The following ARHGEF26 variants were observed in gnomAD, a reference collection of about 807,000 sequenced individuals.
ARHGEF26 encodes the protein Rho guanine nucleotide exchange factor (GEF) 26.
ARHGEF26 carries 59 observed loss-of-function variants against 89.4 expected under a neutral mutation model. The ratio of observed to expected loss-of-function variants is 0.66; its 90% CI spans 0.54 to 0.82. The LOEUF (loss-of-function observed/expected upper bound fraction) is 0.82, where lower values mean the gene tolerates loss of function less well. ARHGEF26 is among the 40% of genes least tolerant of loss of function. The pLI is 0.00. For synonymous variants in ARHGEF26, 500 were observed against 428.4 expected (o/e 1.17, Z -2.06); for missense variants, 1,234 against 1,085.6 (o/e 1.14, Z -1.92).
chr3:154,161,111 T>G (rs1054255731), intron 6 of ARHGEF26, among the ~76,000 whole-genome samples: 224 of 88,854 alleles, frequency 2.5e-3, no homozygotes, highest in African/African-American at 0.012. Context: ...TGTGTGTGTG[T>G]GTGTGTGTGT....
rs1163704445 is a variant in ARHGEF26 at position 154,256,539 on chromosome 3, C to CTAAT, written c.*1074_*1077dup. 1.4e-5 allele frequency: 13 copies of CTAAT among 917,592 alleles called. No homozygotes were observed. The highest frequency in any genetic ancestry group is 1.4e-5 in the Non-Finnish European group (11 of 799,924). The allele number at this position is 917,592 out of a possible 1,614,324, so 56.8% of individuals were successfully genotyped here. On this transcript the variant is annotated 3_prime_UTR_variant, in exon 15 of 15. Coordinates refer to ENST00000465093, the MANE Select transcript of ARHGEF26 (RefSeq NM_015595.4). ...TGAGCCACCGTGCCCAGCCTACTTT[C>CTAAT]TAATTAATTAAAAAAAAAAAAAAAA...
At position 154,122,372 on chromosome 3, in the gene ARHGEF26, C is replaced by A; in HGVS notation, c.380C>A (p.Ser127Tyr). ...PKAVPGGSPK[S>Y]PANGAVTLPA... ...GCGGTGCCTGGCGGCTCCCCGAAAT[C>A]CCCAGCAAATGGCGCGGTGACCTTG... The change falls in exon 2 of 15, where the codon TCC (serine) becomes TAC (tyrosine). Residue 127 changes from serine (S) to tyrosine (Y), a missense_variant. Physicochemically the swap from Ser to Tyr is moderately radical, Grantham distance 144. Transcript: ENST00000465093. 8.1e-6 allele frequency: 13 copies of A among 1,612,394 alleles called. No individual in the cohort carries two copies. Among genetic ancestry groups the A allele is most frequent in the Non-Finnish European group, 1.0e-5 (12 of 1,179,608 alleles).
intron 4 of ARHGEF26, among the ~76,000 whole-genome samples, chr3:154,138,934 A>G (rs532151523): frequency 2.6e-5 from 4 of 152,200 alleles, no homozygotes; most frequent in Non-Finnish European, 5.9e-5. Flanking sequence ...TAAATGCATA[A>G]TTACTATTGT....
At position 154,255,740 on chromosome 3, in the gene ARHGEF26, G is replaced by A. The variant is rs150775691; in HGVS notation, c.*267G>A. The stretch of plus-strand genomic sequence containing the variant: ...CTGAGCAGTTCACTTCAGGGATCAG[G>A]TCATCTCTGCTCCTCCTAGTTTCAC... On this transcript the variant is annotated 3_prime_UTR_variant, in exon 15 of 15. Coordinates refer to ENST00000465093, the MANE Select transcript of ARHGEF26 (RefSeq NM_015595.4). 8.7e-3 allele frequency: 10,798 copies of A among 1,246,268 alleles called. 55 individuals are homozygous for A. The highest frequency in any genetic ancestry group is 9.4e-3 in the Non-Finnish European group (9,381 of 995,990). The allele number at this position is 1,246,268 out of a possible 1,614,324, so 77.2% of individuals were successfully genotyped here.
chr3:154,133,166 G>A (rs1477101936), intron 4 of ARHGEF26, among the ~76,000 whole-genome samples: 1 of 152,118 alleles, frequency 6.6e-6, no homozygotes, highest in East Asian at 1.9e-4. Flanking sequence ...TGGTTGTTAC[G>A]TAAGATCTTT....
chr3:154,128,886 G>A (rs1432581692), intron 3 of ARHGEF26, among the ~76,000 whole-genome samples: 1 of 152,118 alleles, frequency 6.6e-6, no homozygotes, highest in Non-Finnish European at 1.5e-5. Context: ...GTTTCTTCAT[G>A]ACACTTATCA....
At chr3:154,126,573 C>T (rs2122361) in intron 3 of ARHGEF26, among the ~76,000 whole-genome samples, 35,070 of 152,030 alleles carry the variant, frequency 0.23, 5,412 homozygotes, top group East Asian at 0.47. Context: ...TTCATGGAGT[C>T]CCATTGTGTT....
At chr3:154,192,553 C>A (rs930173264) in intron 8 of ARHGEF26, among the ~76,000 whole-genome samples, 36 of 152,256 alleles carry the variant, frequency 2.4e-4, no homozygotes, top group Middle Eastern at 3.4e-3. Flanking sequence ...GAACTTCCCC[C>A]CTGTGTACAT....
chr3:154,176,670 G>A (rs1474788795), intron 6 of ARHGEF26, among the ~76,000 whole-genome samples: 1 of 152,196 alleles, frequency 6.6e-6, no homozygotes, highest in Non-Finnish European at 1.5e-5. Context: ...TACGTAGACG[G>A]TGTTGTATGG....
intron 10 of ARHGEF26, 125 bp from the exon 11 acceptor site, chr3:154,225,731 T>C: frequency 9.7e-7 from 1 of 1,029,284 alleles, no homozygotes; most frequent in Non-Finnish European, 1.3e-6. Context: ...TTTATATGCC[T>C]ATAAAACAAT....
intron 10 of ARHGEF26, among the ~76,000 whole-genome samples, chr3:154,225,119 T>C (rs189044032): frequency 1.7e-4 from 26 of 152,258 alleles, no homozygotes; most frequent in Admixed American, 7.8e-4. Flanking sequence ...TCCAGTTGGC[T>C]TGTACAAGAC....
At chr3:154,229,233 T>C (rs1242623605) in intron 11 of ARHGEF26, among the ~76,000 whole-genome samples, 2 of 152,058 alleles carry the variant, frequency 1.3e-5, no homozygotes, top group African/African-American at 4.8e-5. Context: ...CGGGACCTTG[T>C]TATGTTGCCC....
At chr3:154,211,406 T>C (rs529850460) in intron 9 of ARHGEF26, among the ~76,000 whole-genome samples, 25 of 151,896 alleles carry the variant, frequency 1.6e-4, no homozygotes, top group Admixed American at 2.6e-4. Flanking sequence ...TCTTTTTTTT[T>C]CCTGCTCTAA....
chr3:154,200,006 G>A (rs932568800), intron 9 of ARHGEF26, among the ~76,000 whole-genome samples: 7 of 151,854 alleles, frequency 4.6e-5, no homozygotes, highest in African/African-American at 1.5e-4. Flanking sequence ...CTATTCTGGG[G>A]GTTGTCTCTT....
intron 9 of ARHGEF26, among the ~76,000 whole-genome samples, chr3:154,211,799 G>A (rs1319215151): frequency 6.6e-6 from 1 of 151,994 alleles, no homozygotes; most frequent in Non-Finnish European, 1.5e-5. Flanking sequence ...AGAAAATTAA[G>A]TTGCAGAACA....
intron 9 of ARHGEF26, among the ~76,000 whole-genome samples, chr3:154,216,510 T>TTTTTTTTA (rs1715753752): frequency 1.6e-4 from 1 of 6,232 alleles, no homozygotes; most frequent in African/African-American, 3.4e-4. Context: ...TTATTTTTTA[T>TTTTTTTTA]TTTTTTTTTA....
chr3:154,142,623 T>A (rs1719449653), intron 4 of ARHGEF26, among the ~76,000 whole-genome samples: 1 of 152,204 alleles, frequency 6.6e-6, no homozygotes, highest in Admixed American at 6.5e-5. Flanking sequence ...AGTTTCTCAT[T>A]CCTATCCACT....
At chr3:154,146,417 G>A (rs1719710485) in intron 4 of ARHGEF26, among the ~76,000 whole-genome samples, 1 of 87,402 alleles carries the variant, frequency 1.1e-5, no homozygotes, top group Non-Finnish European at 3.1e-5. Flanking sequence ...ATGATTTTAG[G>A]TGGAGTGTCT....
At chr3:154,241,893 A>C (rs948827505) in intron 12 of ARHGEF26, among the ~76,000 whole-genome samples, 2 of 152,220 alleles carry the variant, frequency 1.3e-5, no homozygotes, top group African/African-American at 4.8e-5. Flanking sequence ...ATTCTTGCCA[A>C]ATTGACTTAG....
Sources: allele counts gnomAD v4.1 joint callset (sites outside exome capture counted in the v4.1 genomes callset), GRCh38; gene constraint gnomAD v4.1.1; transcripts MANE v1.5; gene names NCBI Gene and HGNC (gene_info 2026-07-23, HGNC 2026-07-21).